Variants in NOL10 observed in about 807,000 individuals in gnomAD.
The protein encoded by NOL10 is H_NH0074G24.1.
NOL10 carries 58 observed loss-of-function variants against 103.5 expected under a neutral mutation model. That is an observed-to-expected ratio of 0.56 (90% CI 0.45 to 0.70). The LOEUF is 0.70. Ranked by LOEUF, NOL10 falls within the 30% of genes least tolerant of loss-of-function variation. The pLI is 0.00. For synonymous variants in NOL10, 287 were observed against 282.5 expected (o/e 1.02, Z -0.16); for missense variants, 763 against 807.3 (o/e 0.95, Z 0.67).
chr2:10,678,788 A>G (rs1681508732), intron 3 of NOL10, among the ~76,000 whole-genome samples: 1 of 152,218 alleles, frequency 6.6e-6, no homozygotes, highest in South Asian at 2.1e-4. Context: ...AGCAAGTGAC[A>G]TTCCAACTCC....
At chr2:10,579,180 T>C (rs1022369453) in intron 19 of NOL10, among the ~76,000 whole-genome samples, 1 of 152,240 alleles carries the variant, frequency 6.6e-6, no homozygotes, top group African/African-American at 2.4e-5. Context: ...ATACCTTCTT[T>C]ATATAATTTG....
rs549545861 is a variant in NOL10, at chr2:10,688,275, G to A, written c.66+1521C>T. On this transcript the variant is annotated intron_variant, in intron 1 of 20. Coordinates refer to ENST00000381685, the MANE Select transcript of NOL10 (RefSeq NM_024894.4). ...CCAGCTAGACATTTGTCGCACAGCA[G>A]CCCACACAACAGTGACTTCCAGCAG... Among the ~76,000 whole-genome samples, 2 of 152,160 alleles carry A rather than the reference G, an allele frequency of 1.3e-5. 1 individual carries two copies. Among genetic ancestry groups the A allele is most frequent in the South Asian group, 4.1e-4 (2 of 4,828 alleles).
intron 12 of NOL10, among the ~76,000 whole-genome samples, chr2:10,645,193 G>A (rs1291385277): frequency 2.6e-5 from 4 of 152,132 alleles, no homozygotes; most frequent in African/African-American, 7.2e-5. Context: ...TGCCCCAGTC[G>A]TGAGAGAATG....
chr2:10,577,170 C>A (rs942091384), intron 20 of NOL10, among the ~76,000 whole-genome samples: 3 of 152,176 alleles, frequency 2.0e-5, no homozygotes, highest in African/African-American at 4.8e-5. Flanking sequence ...AGTATCTGGG[C>A]AAGCTGGGTG....
chr2:10,588,906 C>T (rs6714787), intron 19 of NOL10, 137 bp downstream of exon 19: 504,324 of 1,323,784 alleles, frequency 0.38, 99,100 homozygotes, highest in Non-Finnish European at 0.41. Flanking sequence ...CCTTACCTCC[C>T]CTGCTTCCCT....
Position 10,668,622 on chromosome 2 carries a change from C to A in NOL10, c.530+36G>T. The stretch of plus-strand genomic sequence containing the variant: ...TGAGCATCTGGCTCCACCTCCTGGT[C>A]AAAATGTATATAGCAGAATTACTAA... On this transcript the variant is annotated intron_variant, in intron 7 of 20. Coordinates refer to ENST00000381685, the MANE Select transcript of NOL10 (RefSeq NM_024894.4). The A allele has an allele frequency of 2.6e-6, 3 of 1,155,364 alleles. No homozygotes were observed. In the South Asian group the frequency reaches 4.6e-5, roughly 18 times the overall value. The allele number at this position is 1,155,364 out of a possible 1,614,324, so 71.6% of individuals were successfully genotyped here.
intron 16 of NOL10, among the ~76,000 whole-genome samples, chr2:10,601,213 G>A (rs1433019395): frequency 6.6e-6 from 1 of 151,896 alleles, no homozygotes; most frequent in African/African-American, 2.4e-5. Context: ...ACAGGCACCC[G>A]CCACAACGTC....
chr2:10,602,365 A>T (rs6706542), intron 16 of NOL10, among the ~76,000 whole-genome samples: 1 of 152,060 alleles, frequency 6.6e-6, no homozygotes, highest in African/African-American at 2.4e-5. Flanking sequence ...ACTCAGACAG[A>T]GAGTGCAGTT....
chr2:10,662,870 C>A, intron 9 of NOL10, 89 bp downstream of exon 9: 1 of 982,522 alleles, frequency 1.0e-6, no homozygotes, highest in Non-Finnish European at 1.6e-6. Flanking sequence ...TTTCAGATAT[C>A]CTGTAGCAAT....
At chr2:10,675,954 T>C (rs1383486019) in intron 3 of NOL10, 83 bp from the exon 4 acceptor site, 5 of 646,832 alleles carry the variant, frequency 7.7e-6, no homozygotes, top group African/African-American at 3.7e-5. Context: ...TACTTCTTGT[T>C]CAGAGACAGG....
Position 10,571,395 on chromosome 2 carries a change from A to G in NOL10, c.*676T>C, listed in dbSNP as rs1248472323. The G allele has an allele frequency of 1.3e-5, 2 of 152,244 alleles. No homozygotes were observed. Among genetic ancestry groups the G allele is most frequent in the East Asian group, 3.8e-4 (2 of 5,202 alleles). The allele number at this position is 152,244 out of a possible 1,614,324, so 9.4% of individuals were successfully genotyped here. A position where few individuals can be genotyped will look rare whatever the true frequency, so the allele number is the denominator to read the frequency against. On this transcript the variant is annotated 3_prime_UTR_variant, in exon 21 of 21. Transcript: ENST00000381685. Reference sequence around the variant, plus strand: ...ACCTGTAGAACTGTGAGTCAATTAAACCTCTTTTCTTTACTTATAAATTAC... The same window carrying G: ...ACCTGTAGAACTGTGAGTCAATTAAGCCTCTTTTCTTTACTTATAAATTAC...
rs773140962 is a variant in NOL10 at position 10,589,292 on chromosome 2, T to C, written c.1597-2A>G. On this transcript the variant is annotated splice_acceptor_variant, in intron 18 of 20. Transcript: ENST00000381685. LOFTEE classifies it high-confidence loss of function. ...TCCTTCCGGCTCTTCCTCCTCTTCC[T>C]GAGAATAAAAATAGTAAGCAGCAAC... 2 of 1,613,150 alleles carry C rather than the reference T, an allele frequency of 1.2e-6. No individual in the cohort carries two copies. The highest frequency in any genetic ancestry group is 1.7e-6 in the Non-Finnish European group (2 of 1,179,794).
At chr2:10,611,261 C>A (rs1676552202) in intron 13 of NOL10, among the ~76,000 whole-genome samples, 1 of 152,152 alleles carries the variant, frequency 6.6e-6, no homozygotes, top group Non-Finnish European at 1.5e-5. Context: ...TCTTTATGTA[C>A]CAACATGCTA....
chr2:10,592,220 T>C (rs10803725), intron 17 of NOL10, among the ~76,000 whole-genome samples: 52,033 of 151,774 alleles, frequency 0.34, 9,289 homozygotes, highest in Non-Finnish European at 0.4. Flanking sequence ...TAAATTAGAA[T>C]TGACAGATCC....
Position 10,589,133 on chromosome 2 carries a change from T to C in NOL10, c.1754A>G (p.Gln585Arg), listed in dbSNP as rs1315039656. Residue 585 changes from glutamine to arginine, a missense_variant, in exon 19 of 21, where the codon CAG becomes CGG. Transcript: ENST00000381685. ...ATAAAACTGGGGCTTTAGGACTGTCTGCTGGTCCTCCTTGAGTCGTTCCTG... is the reference window on the plus strand; with the variant it reads ...ATAAAACTGGGGCTTTAGGACTGTCCGCTGGTCCTCCTTGAGTCGTTCCTG... The part of the protein sequence containing the change: ...KRQERLKEDQ[Q>R]TVLKPQFYEI... 6.2e-7 allele frequency: 1 copy of C among 1,614,052 alleles called. No homozygotes were observed. The highest frequency in any genetic ancestry group is 8.5e-7 in the Non-Finnish European group (1 of 1,179,894).
chr2:10,587,098 C>T (rs796939107), intron 19 of NOL10, among the ~76,000 whole-genome samples: 21,740 of 43,302 alleles, frequency 0.5, 8,556 homozygotes, highest in Non-Finnish European at 0.63. Context: ...CATATATATA[C>T]ACATATATAT....
At chr2:10,625,757 A>C (rs1677419970) in intron 13 of NOL10, among the ~76,000 whole-genome samples, 1 of 152,178 alleles carries the variant, frequency 6.6e-6, no homozygotes, top group African/African-American at 2.4e-5. Context: ...AGCTGATGAC[A>C]TGGGAGCAAA....
intron 13 of NOL10, among the ~76,000 whole-genome samples, chr2:10,638,169 C>T (rs1448480788): frequency 6.6e-6 from 1 of 152,050 alleles, no homozygotes; most frequent in Non-Finnish European, 1.5e-5. Flanking sequence ...GCCTGTAGTC[C>T]TACCTACTCA....
chr2:10,623,299 C>T (rs1335332985), intron 13 of NOL10, among the ~76,000 whole-genome samples: 2 of 152,092 alleles, frequency 1.3e-5, no homozygotes, highest in South Asian at 2.1e-4. Context: ...ATCTCCCATT[C>T]CTTAAGAGCC....
Sources: gnomAD v4.1 joint callset for allele counts (sites outside exome capture counted in the v4.1 genomes callset) on GRCh38, gnomAD v4.1.1 for gene constraint, MANE v1.5 for transcripts, NCBI Gene and HGNC (gene_info 2026-07-23, HGNC 2026-07-21) for gene names.